The following FLNB variants were observed in gnomAD, a reference collection of about 807,000 sequenced individuals.
The protein encoded by FLNB is filamin B, also known as filamin-B.
Under a neutral mutation model 250.6 loss-of-function variants are expected in FLNB, and 111 were observed. That is an observed-to-expected ratio of 0.44 (90% CI 0.38 to 0.52). The LOEUF is 0.52. Among genes scored for constraint, FLNB ranks in the 20% least tolerant of loss-of-function variants. The pLI is 0.00. For synonymous variants in FLNB, 1,302 were observed against 1,372.1 expected (o/e 0.95, Z 1.13); for missense variants, 2,869 against 3,447.8 (o/e 0.83, Z 4.20).
intron 13 of FLNB, 114 bp downstream of exon 13, chr3:58,108,685 A>T: frequency 7.0e-6 from 5 of 718,226 alleles, no homozygotes; most frequent in Non-Finnish European, 1.0e-5. Flanking sequence ...CACCGTGGAA[A>T]TGATAAGAAG....
At chr3:58,043,141 C>CT (rs58727890) in intron 1 of FLNB, among the ~76,000 whole-genome samples, 2,331 of 101,906 alleles carry the variant, frequency 0.023, 69 homozygotes, top group African/African-American at 0.064. Context: ...TTTGGCATTC[C>CT]TTTTTTTTTT....
In FLNB at chr3:58,169,239, C is replaced by A. The variant is rs2097376742; in HGVS notation, c.7418-351C>A. On this transcript the variant is annotated intron_variant, in intron 44 of 45. Coordinates refer to ENST00000295956, the MANE Select transcript of FLNB (RefSeq NM_001457.4). This position sits in a 1 kb window ranked among gnomAD's most constrained non-coding sequence, Gnocchi z 4.8. ...TTTTTGATATTTCATTATATGTCAT[C>A]CCAAACTTTTACACTGCTTATACAT... The A allele has an allele frequency of 3.4e-6, 1 of 294,818 alleles. No individual in the cohort carries two copies. Among genetic ancestry groups the A allele is most frequent in the Non-Finnish European group, 6.4e-6 (1 of 156,098 alleles). 18.3% of individuals were successfully genotyped at this position (294,818 alleles called of 1,614,324 possible).
intron 1 of FLNB, among the ~76,000 whole-genome samples, chr3:58,072,972 C>G (rs1576671002): frequency 6.6e-6 from 1 of 152,114 alleles, no homozygotes; most frequent in African/African-American, 2.4e-5. Context: ...GTTTGTGAAT[C>G]AAATCTGCAA....
intron 22 of FLNB, 113 bp from the exon 23 acceptor site, chr3:58,125,468 C>T: frequency 1.6e-6 from 2 of 1,243,446 alleles, no homozygotes; most frequent in South Asian, 1.2e-5. Flanking sequence ...TTCCAAATAA[C>T]ATAGTATAGC....
chr3:58,125,856 T>C, intron 23 of FLNB, 113 bp downstream of exon 23: 1 of 1,043,012 alleles, frequency 9.6e-7, no homozygotes. Context: ...TTATAACATG[T>C]ATTTCCTTCT....
chr3:58,015,496 C>T (rs1328428135), intron 1 of FLNB, among the ~76,000 whole-genome samples: 1 of 152,108 alleles, frequency 6.6e-6, no homozygotes, highest in Non-Finnish European at 1.5e-5. Flanking sequence ...ATATGAAAGC[C>T]CATCTCTGAA....
chr3:58,058,959 T>C (rs1367538791), intron 1 of FLNB, among the ~76,000 whole-genome samples: 1 of 152,202 alleles, frequency 6.6e-6, no homozygotes, highest in African/African-American at 2.4e-5. Context: ...AGAACATTAG[T>C]CTCTTTGGAG....
At chr3:58,131,046 G>A (rs1427154000) in intron 25 of FLNB, 138 bp downstream of exon 25, 1 of 818,118 alleles carries the variant, frequency 1.2e-6, no homozygotes, top group East Asian at 2.7e-5. Context: ...TTCATTTCTA[G>A]TTAAACAGTA....
intron 8 of FLNB, among the ~76,000 whole-genome samples, 166 bp downstream of exon 8, chr3:58,099,074 T>C (rs1391793335): frequency 1.3e-5 from 2 of 152,136 alleles, no homozygotes; most frequent in African/African-American, 2.4e-5. Context: ...CTCAATATAT[T>C]AATATTAATA....
intron 26 of FLNB, 78 bp from the exon 27 acceptor site, chr3:58,134,538 A>G (rs2097312970): frequency 6.6e-7 from 1 of 1,524,710 alleles, no homozygotes; most frequent in African/African-American, 1.4e-5. Flanking sequence ...TCCCACTCTT[A>G]TGTGTAAGAA....
intron 1 of FLNB, among the ~76,000 whole-genome samples, chr3:58,057,059 A>G (rs2097171710): frequency 6.6e-6 from 1 of 152,176 alleles, no homozygotes; most frequent in Non-Finnish European, 1.5e-5. Context: ...GGCTCACTGC[A>G]GCCTTGACCT....
rs377650314 is a variant in FLNB at position 58,126,704 on chromosome 3, T to G, written c.4164T>G (p.Ile1388Met). Residue 1388 changes from isoleucine to methionine, a missense_variant, in exon 24 of 46, where the codon ATT (isoleucine) becomes ATG (methionine). Transcript: ENST00000295956. ...ATGGCAGCTGCAGTGCTGAGTACAT[T>G]CCTTTCGCACCGGGGGATTACGATG... ...NKDGSCSAEY[I>M]PFAPGDYDVN... 5 of 1,614,032 alleles carry G rather than the reference T, an allele frequency of 3.1e-6. No homozygotes were observed.
chr3:58,124,292 G>T, intron 21 of FLNB, 40 bp from the exon 22 acceptor site: 2 of 1,612,324 alleles, frequency 1.2e-6, no homozygotes, highest in South Asian at 1.1e-5. Flanking sequence ...TTTGGGTCTG[G>T]GGTACTGGTG....
At chr3:58,034,384 C>A (rs1211547874) in intron 1 of FLNB, among the ~76,000 whole-genome samples, 5 of 151,242 alleles carry the variant, frequency 3.3e-5, no homozygotes, top group African/African-American at 1.2e-4. Context: ...CAAAAAGGTT[C>A]TGTTTTTTAA....
intron 1 of FLNB, among the ~76,000 whole-genome samples, chr3:58,057,875 C>G (rs2097172691): frequency 6.6e-6 from 1 of 152,070 alleles, no homozygotes; most frequent in South Asian, 2.1e-4. Flanking sequence ...ACCACAACCT[C>G]CGCCTCCCAG....
At chr3:58,075,995 C>T (rs2097201187) in intron 1 of FLNB, among the ~76,000 whole-genome samples, 1 of 151,962 alleles carries the variant, frequency 6.6e-6, no homozygotes, top group African/African-American at 2.4e-5. Flanking sequence ...TGGCCAGGGG[C>T]ATGGCATGGC....
chr3:58,153,775 C>G, intron 39 of FLNB, 134 bp downstream of exon 39: 1 of 1,043,706 alleles, frequency 9.6e-7, no homozygotes, highest in East Asian at 2.6e-5. Flanking sequence ...TTATTTAAAA[C>G]AAGGCATCAT....
intron 18 of FLNB, among the ~76,000 whole-genome samples, chr3:58,112,628 G>A (rs1025053076): frequency 6.6e-6 from 1 of 152,158 alleles, no homozygotes; most frequent in Admixed American, 6.5e-5. Context: ...CTATCTTTCT[G>A]TTACACATGT....
chr3:58,169,145 T>A lies in FLNB; in HGVS notation c.7418-445T>A, dbSNP rs2097376485. On this transcript the variant is annotated intron_variant, in intron 44 of 45. Coordinates refer to ENST00000295956, the MANE Select transcript of FLNB (RefSeq NM_001457.4). The surrounding 1 kb of genome is among the most constrained non-coding windows in gnomAD (Gnocchi z 4.8). ...TCATGATTCACTGTTACATAAAGAA[T>A]GTAGGTTCATCGCAGGAAAATTAGA... 3.6e-6 allele frequency: 1 copy of A among 276,528 alleles called. No individual in the cohort carries two copies. The highest frequency in any genetic ancestry group is 7.0e-6 in the Non-Finnish European group (1 of 143,222). The allele number at this position is 276,528 out of a possible 1,614,324, so 17.1% of individuals were successfully genotyped here. A position where few individuals can be genotyped will look rare whatever the true frequency, so the allele number is the denominator to read the frequency against.
Sources: gnomAD v4.1 joint callset for allele counts (sites outside exome capture counted in the v4.1 genomes callset) on GRCh38, gnomAD v4.1.1 for gene constraint, Gnocchi (gnomAD v3.1) non-coding constraint, MANE v1.5 for transcripts, NCBI Gene and HGNC (gene_info 2026-07-23, HGNC 2026-07-21) for gene names.